The following FHIP2B variants were observed in gnomAD, a reference collection of about 807,000 sequenced individuals.
FHIP2B encodes FHF complex subunit HOOK interacting protein 2B.
In FHIP2B, 72 loss-of-function variants were observed where a neutral mutation model predicts 84.0. That is an observed-to-expected ratio of 0.86 (90% CI 0.71 to 1.04). The LOEUF (loss-of-function observed/expected upper bound fraction) is 1.04. FHIP2B is among the 50% of genes least tolerant of loss of function. The probability of loss-of-function intolerance (pLI) is 0.00; values close to 1 mark genes in which losing one functional copy is unlikely to be tolerated. For synonymous variants in FHIP2B, 497 were observed against 418.7 expected (o/e 1.19, Z -2.28); for missense variants, 972 against 968.9 (o/e 1.00, Z -0.04).
At chr8:22,102,456 A>G (rs1485277808) in intron 15 of FHIP2B, 72 bp from the exon 16 acceptor site, 3 of 1,533,872 alleles carry the variant, frequency 2.0e-6, no homozygotes, top group Non-Finnish European at 2.6e-6. Flanking sequence ...CATGCTCTGC[A>G]TGGTGTGGCA....
At chr8:22,089,363 C>A in intron 1 of FHIP2B, 65 bp downstream of exon 1, 1 of 933,534 alleles carries the variant, frequency 1.1e-6, no homozygotes. Flanking sequence ...TGGGCGGGCG[C>A]GGAGCCGGGC....
At position 22,104,831 on chromosome 8, in the gene FHIP2B, T is replaced by TAAAAAAAAAAAAAAAAAAAAA. The variant is rs60525064; in HGVS notation, c.*1918_*1919insAAAAAAAAAAAAAAAAAAAAA. 32 of 126,494 alleles carry TAAAAAAAAAAAAAAAAAAAAA rather than the reference T, an allele frequency of 2.5e-4. No individual in the cohort carries two copies. The highest frequency in any genetic ancestry group is 1.2e-3 in the South Asian group (5 of 4,030). The allele number at this position is 126,494 out of a possible 1,614,324, so 7.8% of individuals were successfully genotyped here. On this transcript the variant is annotated 3_prime_UTR_variant, in exon 17 of 17. Coordinates refer to ENST00000289921, the MANE Select transcript of FHIP2B (RefSeq NM_022749.7). ...CTGGGCAATAGAGTAAGACCCTGTC[T>TAAAAAAAAAAAAAAAAAAAAA]AAAAAAAAAAAAAAAAAATTTCACA... is the stretch of plus-strand genomic sequence containing the variant.
chr8:22,101,586 T>C (rs1826117001), intron 13 of FHIP2B, 56 bp downstream of exon 13: 2 of 1,576,174 alleles, frequency 1.3e-6, no homozygotes, highest in African/African-American at 2.7e-5. Context: ...AGCTGGGTCA[T>C]AAGCTCTGGG....
chr8:22,099,676 G>A, intron 9 of FHIP2B, 28 bp from the exon 10 acceptor site: 1 of 1,545,792 alleles, frequency 6.5e-7, no homozygotes, highest in Non-Finnish European at 8.7e-7. Flanking sequence ...CACACACCGG[G>A]CCTGGCTAAG....
intron 6 of FHIP2B, 25 bp downstream of exon 6, chr8:22,098,335 T>C: frequency 7.4e-7 from 1 of 1,353,402 alleles, no homozygotes; most frequent in African/African-American, 1.6e-5. Flanking sequence ...GATGGAGAGG[T>C]TGGGGGTGGG....
intron 8 of FHIP2B, 108 bp from the exon 9 acceptor site, chr8:22,099,176 G>A: frequency 2.0e-6 from 3 of 1,517,208 alleles, no homozygotes; most frequent in Admixed American, 2.0e-5. Flanking sequence ...GGGGCCCCAG[G>A]CGGGCCGGGA....
At position 22,089,663 on chromosome 8, in the gene FHIP2B, C is replaced by G. The variant is rs1029255541; in HGVS notation, c.45+365C>G. 5.9e-5 allele frequency: 46 copies of G among 783,490 alleles called. No individual in the cohort carries two copies. The African/African-American group carries it at 6.9e-4, about 12-fold the overall frequency. 48.5% of individuals were successfully genotyped at this position (783,490 alleles called of 1,614,324 possible). A position where few individuals can be genotyped will look rare whatever the true frequency, so the allele number is the denominator to read the frequency against. ...CCCCGGGGCCCTAGGCCGCCTCCCC[C>G]CAGTCCCGGTGGGCCTGCCTCCTTC... is the stretch of plus-strand genomic sequence containing the variant. On this transcript the variant is annotated intron_variant, in intron 1 of 16. Transcript: ENST00000289921.
At position 22,101,495 on chromosome 8, in the gene FHIP2B, G is replaced by A. The variant is rs779104160; in HGVS notation, c.1672G>A (p.Gly558Ser). The change falls in exon 13 of 17, where the codon GGC becomes AGC. Residue 558 changes from glycine (G) to serine (S), a missense_variant. Transcript: ENST00000289921. ...AKTSAFLEET[G>S]YDTYVHDAYG... ...GACCTCTGCCTTCCTGGAGGAGACA[G>A]GCTATGACACATACGTCCACGATGC... 3.1e-6 allele frequency: 5 copies of A among 1,612,872 alleles called. No individual in the cohort carries two copies. The South Asian group carries it at 4.4e-5, about 14-fold the overall frequency.
chr8:22,091,224 T>G (rs555569637), intron 1 of FHIP2B, among the ~76,000 whole-genome samples: 5 of 150,350 alleles, frequency 3.3e-5, no homozygotes, highest in Non-Finnish European at 5.9e-5. Flanking sequence ...ATCTAACAGA[T>G]TAGGAATCAT....
rs1826058824 is a variant in FHIP2B, at chr8:22,100,693, T to TA, written c.1442dup (p.Tyr481Ter). Residue 481 changes from tyrosine to a stop codon, truncating the protein, a stop_gained and frameshift_variant, in exon 11 of 17, where the codon TAC becomes TAAC. Transcript: ENST00000289921. LOFTEE classifies it high-confidence loss of function. ...CCTGCGCAACCTTGAGGGCCGCCCT[T>TA]ACGTGGCCTGGGGCTCACCAGAGCC... ...LVLRNLEGRP[Y>*]VAWGSPEPES... 1 of 1,606,776 alleles carries TA rather than the reference T, an allele frequency of 6.2e-7. No homozygotes were observed. Among genetic ancestry groups the TA allele is most frequent in the Non-Finnish European group, 8.5e-7 (1 of 1,176,002 alleles).
intron 14 of FHIP2B, 96 bp from the exon 15 acceptor site, chr8:22,102,079 C>G: frequency 4.4e-6 from 7 of 1,600,702 alleles, no homozygotes; most frequent in Middle Eastern, 1.7e-4. Flanking sequence ...CTCCCACCCC[C>G]ACACACGTTC....
chr8:22,104,855 C>G lies in FHIP2B; in HGVS notation c.*1924C>G, dbSNP rs1286295332. 1 of 143,466 alleles carries G rather than the reference C, an allele frequency of 7.0e-6. No homozygotes were observed. The highest frequency in any genetic ancestry group is 1.5e-5 in the Non-Finnish European group (1 of 65,654). 8.9% of individuals were successfully genotyped at this position (143,466 alleles called of 1,614,324 possible). On this transcript the variant is annotated 3_prime_UTR_variant, in exon 17 of 17. Coordinates refer to ENST00000289921, the MANE Select transcript of FHIP2B (RefSeq NM_022749.7). ...CTAAAAAAAAAAAAAAAAAATTTCA[C>G]AGGTGTGTTCTCAGGGAAAAAGAAA... is the stretch of plus-strand genomic sequence containing the variant.
chr8:22,091,924 A>G (rs1261106357), intron 1 of FHIP2B, among the ~76,000 whole-genome samples: 2 of 152,236 alleles, frequency 1.3e-5, no homozygotes, highest in Non-Finnish European at 2.9e-5. Flanking sequence ...TGCTGAGCCC[A>G]TTGAGGGCAG....
Position 22,102,561 on chromosome 8 carries a change from G to C in FHIP2B, c.2026G>C (p.Val676Leu). 1 of 1,562,390 alleles carries C rather than the reference G, an allele frequency of 6.4e-7. No homozygotes were observed. Among genetic ancestry groups the C allele is most frequent in the Non-Finnish European group, 8.7e-7 (1 of 1,153,768 alleles). Reference protein sequence around the residue: ...IGDLMQRIQRVPQFPGKLLLV... With the variant: ...IGDLMQRIQRLPQFPGKLLLV... ...GGACTTGATGCAGAGAATCCAGAGG[G>C]TACCCCAGTTCCCAGGCAAGCTGCT... is the stretch of plus-strand genomic sequence containing the variant. Residue 676 changes from valine to leucine, a missense_variant, in exon 16 of 17, where the codon GTA becomes CTA. By Grantham distance (32) the Val-to-Leu change is conservative (BLOSUM62 1). Transcript: ENST00000289921.
Position 22,099,409 on chromosome 8 carries a change from C to G in FHIP2B, c.1151+49C>G, listed in dbSNP as rs749899460. On this transcript the variant is annotated intron_variant, in intron 9 of 16. Coordinates refer to ENST00000289921, the MANE Select transcript of FHIP2B (RefSeq NM_022749.7). ...ATGACTGTGGTCTACAGTAAACCAC[C>G]TACCCCACCCAGCCTCGTCCTGTCC... 7.0e-6 allele frequency: 11 copies of G among 1,577,376 alleles called. No individual in the cohort carries two copies. In the East Asian group the frequency reaches 1.6e-4, roughly 23 times the overall value.
chr8:22,095,139 C>T (rs1825693428), intron 2 of FHIP2B: 1 of 152,700 alleles, frequency 6.5e-6, no homozygotes, highest in Non-Finnish European at 1.5e-5. Context: ...GCCAGGTAAC[C>T]ATATCCTGCA....
intron 3 of FHIP2B, among the ~76,000 whole-genome samples, chr8:22,097,214 C>T (rs533444988): frequency 1.1e-4 from 16 of 152,170 alleles, no homozygotes; most frequent in Admixed American, 8.5e-4. Context: ...CCTGTGAGAA[C>T]GGGCCCTCTG....
rs375312941 is a variant in FHIP2B at position 22,098,504 on chromosome 8, G to A, written c.850G>A (p.Val284Ile). The change falls in exon 7 of 17, where the codon GTA (valine) becomes ATA (isoleucine). Residue 284 changes from valine (V) to isoleucine (I), a missense_variant. Transcript: ENST00000289921. ...CTCCCCAGCAGCTGCCACCTACCTG[G>A]TACAGAGCAGCGCCTGCTGCCCTGC... Reference protein sequence around the residue: ...MASPAAATYLVQSSACCPAIV... With the variant: ...MASPAAATYLIQSSACCPAIV... 79 of 1,613,234 alleles carry A rather than the reference G, an allele frequency of 4.9e-5. No homozygotes were observed. The highest frequency in any genetic ancestry group is 6.2e-5 in the Non-Finnish European group (73 of 1,179,804).
intron 1 of FHIP2B, chr8:22,089,956 G>T: frequency 1.3e-6 from 1 of 752,526 alleles, no homozygotes; most frequent in South Asian, 1.7e-5. Context: ...AAGCCAAATT[G>T]AGTTAGGGAC....
Sources: gnomAD v4.1 joint callset for allele counts (sites outside exome capture counted in the v4.1 genomes callset) on GRCh38, gnomAD v4.1.1 for gene constraint, MANE v1.5 for transcripts, NCBI Gene and HGNC (gene_info 2026-07-23, HGNC 2026-07-21) for gene names.